CTNNA3: variants seen among roughly 807,000 people sequenced by gnomAD.
CTNNA3 encodes the protein catenin alpha-3.
Under a neutral mutation model 95.7 loss-of-function variants are expected in CTNNA3, and 76 were observed. The observed-to-expected ratio is 0.79, with a 90% CI of 0.66 to 0.96. The LOEUF is 0.96. Among genes scored for constraint, CTNNA3 ranks in the 40% least tolerant of loss-of-function variants. The pLI is 0.00. For synonymous variants in CTNNA3, 431 were observed against 374.4 expected (o/e 1.15, Z -1.74); for missense variants, 1,191 against 1,089.8 (o/e 1.09, Z -1.31).
intron 13 of CTNNA3, among the ~76,000 whole-genome samples, chr10:66,165,193 C>T (rs182665056): frequency 6.6e-6 from 1 of 152,206 alleles, no homozygotes; most frequent in African/African-American, 2.4e-5. Flanking sequence ...CATGTTGTCA[C>T]TTAAAAGTGA....
chr10:66,198,673 ATAAT>A lies in CTNNA3; in HGVS notation c.1884+81793_1884+81796del, dbSNP rs145826501. Among the ~76,000 whole-genome samples, 1,189 of 152,254 alleles carry A rather than the reference ATAAT, an allele frequency of 7.8e-3. 13 individuals carry two copies. The highest frequency in any genetic ancestry group is 0.033 in the East Asian group (172 of 5,180). ...TTTCAATTAAATTCTACATTCATTA[ATAAT>A]TAAAGACTTAGCAAATATGAAACAA... On this transcript the variant is annotated intron_variant, in intron 13 of 17. Transcript: ENST00000433211.
chr10:65,980,263 A>AG (rs2078291153), intron 16 of CTNNA3, among the ~76,000 whole-genome samples: 4 of 152,050 alleles, frequency 2.6e-5, no homozygotes, highest in African/African-American at 9.7e-5. Flanking sequence ...TAACCCTCTT[A>AG]GATTAAACCA....
chr10:67,483,232 A>G (rs942206369), intron 5 of CTNNA3, among the ~76,000 whole-genome samples: 1 of 151,524 alleles, frequency 6.6e-6, no homozygotes, highest in African/African-American at 2.4e-5. Context: ...ATCTAGAACT[A>G]GAAATACCAT....
chr10:67,568,911 T>A (rs1841896947), intron 3 of CTNNA3, among the ~76,000 whole-genome samples: 1 of 152,144 alleles, frequency 6.6e-6, no homozygotes, highest in South Asian at 2.1e-4. Flanking sequence ...ACTGTTATTA[T>A]AACTTAACAA....
intron 3 of CTNNA3, among the ~76,000 whole-genome samples, chr10:67,584,988 G>A (rs1434709172): frequency 6.6e-6 from 1 of 152,232 alleles, no homozygotes; most frequent in Non-Finnish European, 1.5e-5. Context: ...GGCTAAGAAA[G>A]TGAATTCCCC....
At chr10:67,235,989 G>A (rs1424249382) in intron 5 of CTNNA3, among the ~76,000 whole-genome samples, 2 of 147,214 alleles carry the variant, frequency 1.4e-5, no homozygotes, top group African/African-American at 2.6e-5. Flanking sequence ...TAGAATGGCA[G>A]TCATTAAAAA....
chr10:67,112,567 GA>G (rs1391586208), intron 7 of CTNNA3, among the ~76,000 whole-genome samples: 1 of 151,058 alleles, frequency 6.6e-6, no homozygotes, highest in Non-Finnish European at 1.5e-5. Flanking sequence ...GTATTTCAGA[GA>G]AAAAAATTCT....
chr10:66,804,142 A>G (rs1841547559), intron 7 of CTNNA3, among the ~76,000 whole-genome samples: 1 of 151,994 alleles, frequency 6.6e-6, no homozygotes, highest in Non-Finnish European at 1.5e-5. Context: ...TATGACACCT[A>G]TCTGTCTGTG....
chr10:66,616,137 C>G (rs181176173), intron 10 of CTNNA3, among the ~76,000 whole-genome samples: 3 of 152,130 alleles, frequency 2.0e-5, no homozygotes, highest in Middle Eastern at 3.4e-3. Context: ...ATAAAACAGA[C>G]AGATCCATTA....
At chr10:66,412,206 A>T (rs368622098) in intron 11 of CTNNA3, among the ~76,000 whole-genome samples, 62 of 152,336 alleles carry the variant, frequency 4.1e-4, no homozygotes, top group African/African-American at 1.4e-3. Flanking sequence ...AGAATACATA[A>T]TCAGAAAGAT....
intron 9 of CTNNA3, among the ~76,000 whole-genome samples, chr10:66,647,964 G>A (rs1188001349): frequency 2.6e-5 from 4 of 152,156 alleles, no homozygotes; most frequent in African/African-American, 7.2e-5. Flanking sequence ...GAGAGCTTAA[G>A]TTGAACCCTC....
chr10:66,368,244 TGC>T (rs2132454102), intron 12 of CTNNA3, among the ~76,000 whole-genome samples: 2 of 152,148 alleles, frequency 1.3e-5, no homozygotes, highest in South Asian at 4.1e-4. Context: ...ATGAAGCCAT[TGC>T]TTCATTGCCT....
intron 11 of CTNNA3, among the ~76,000 whole-genome samples, chr10:66,441,895 G>A (rs4603191): frequency 6.6e-6 from 1 of 151,952 alleles, no homozygotes; most frequent in African/African-American, 2.4e-5. Context: ...AAGAGAAAGA[G>A]GTTTAGACTT....
chr10:67,723,235 A>G (rs1373234311), intron 1 of CTNNA3, among the ~76,000 whole-genome samples: 3 of 150,750 alleles, frequency 2.0e-5, no homozygotes, highest in Non-Finnish European at 4.4e-5. Flanking sequence ...GATCTGTCCC[A>G]CTTGGCCTCC....
chr10:66,093,799 C>T (rs2081294616), intron 14 of CTNNA3, among the ~76,000 whole-genome samples: 1 of 152,014 alleles, frequency 6.6e-6, no homozygotes, highest in South Asian at 2.1e-4. Flanking sequence ...ATGTAATACC[C>T]TAGGCTCAAT....
At chr10:66,199,765 CTATATATATATA>C (rs59585958) in intron 13 of CTNNA3, among the ~76,000 whole-genome samples, 1,275 of 30,546 alleles carry the variant, frequency 0.042, 54 homozygotes, top group Non-Finnish European at 0.051. Flanking sequence ...CCACGCCTGG[CTATATATATATA>C]TATATATATA....
At position 67,133,615 on chromosome 10, in the gene CTNNA3, G is replaced by GA. The variant is rs563499523; in HGVS notation, c.1047+46701dup. On this transcript the variant is annotated intron_variant, in intron 7 of 17. Coordinates refer to ENST00000433211, the MANE Select transcript of CTNNA3 (RefSeq NM_013266.4). Reference sequence around the variant, plus strand: ...GAAGAAGGGATTAACAGGCTTAAGGGAAAAAAATGAAAGAATCAGGAGATT... The same window carrying GA: ...GAAGAAGGGATTAACAGGCTTAAGGGAAAAAAAATGAAAGAATCAGGAGATT... 4.8e-4 allele frequency among the ~76,000 whole-genome samples: 72 copies of GA among 151,556 alleles called. 1 individual carries two copies. The highest frequency in any genetic ancestry group is 1.5e-3 in the African/African-American group (64 of 41,360).
At chr10:66,110,751 C>G (rs144384437) in intron 13 of CTNNA3, among the ~76,000 whole-genome samples, 1 of 152,100 alleles carries the variant, frequency 6.6e-6, no homozygotes, top group Non-Finnish European at 1.5e-5. Context: ...CTTACATATA[C>G]AGTCATGTTG....
intron 7 of CTNNA3, among the ~76,000 whole-genome samples, chr10:67,044,175 A>G (rs1038018599): frequency 1.3e-5 from 2 of 152,048 alleles, no homozygotes; most frequent in African/African-American, 2.4e-5. Context: ...GCTCTCACTT[A>G]TAAGTGAGAA....
Sources: allele counts gnomAD v4.1 joint callset (sites outside exome capture counted in the v4.1 genomes callset), GRCh38; gene constraint gnomAD v4.1.1; transcripts MANE v1.5; gene names NCBI Gene and HGNC (gene_info 2026-07-23, HGNC 2026-07-21).